Variants in MAP3K13 observed in about 807,000 individuals in gnomAD.
MAP3K13 encodes leucine zipper-bearing kinase.
MAP3K13 carries 52 observed loss-of-function variants against 104.0 expected under a neutral mutation model. The observed-to-expected ratio is 0.50, with a 90% CI of 0.40 to 0.63. MAP3K13 has a LOEUF of 0.63. MAP3K13 is among the 20% of genes least tolerant of loss of function. The pLI is 0.00. For missense variants in MAP3K13, 914 were observed against 1,218.5 expected, an observed-to-expected ratio of 0.75 and a Z score of 3.72; for synonymous variants, 394 against 442.2, an observed-to-expected ratio of 0.89 and a Z score of 1.37.
chr3:185,350,784 T>C (rs942912296), intron 2 of MAP3K13, among the ~76,000 whole-genome samples: 1 of 152,190 alleles, frequency 6.6e-6, no homozygotes, highest in African/African-American at 2.4e-5. Context: ...GTAAATTAGT[T>C]CAACCATTGT....
At chr3:185,392,142 A>C (rs559832971) in intron 1 of MAP3K13, among the ~76,000 whole-genome samples, 1 of 152,300 alleles carries the variant, frequency 6.6e-6, no homozygotes, top group Non-Finnish European at 1.5e-5. Context: ...GAAAGACATT[A>C]TATATTGGAT....
chr3:185,414,312 TCTC>T (rs1385186807), intron 1 of MAP3K13, among the ~76,000 whole-genome samples: 1 of 152,178 alleles, frequency 6.6e-6, no homozygotes, highest in Admixed American at 6.5e-5. Flanking sequence ...TGTAAAGTCT[TCTC>T]ATCCAAAAAA....
chr3:185,303,442 G>A (rs1721176655), intron 2 of MAP3K13, among the ~76,000 whole-genome samples: 2 of 151,962 alleles, frequency 1.3e-5, no homozygotes, highest in South Asian at 4.1e-4. Flanking sequence ...GAAGGCATCT[G>A]GTCCTGGCTG....
rs1050368041 is a variant in MAP3K13 at position 185,454,611 on chromosome 3, A to T, written c.1278+3216A>T. Among the ~76,000 whole-genome samples the T allele has an allele frequency of 5.3e-4, 38 of 71,870 alleles. 5 individuals carry two copies. The East Asian group carries it at 5.6e-3, about 11-fold the overall frequency. The allele number at this position is 71,870 out of a possible 152,430, so 47.1% of individuals were successfully genotyped here. A position where few individuals can be genotyped will look rare whatever the true frequency, so the allele number is the denominator to read the frequency against. On this transcript the variant is annotated intron_variant, in intron 7 of 13. Transcript: ENST00000265026. ...ATATATAGATATATATGAGATATAT[A>T]TGATATATATATGAGATATATATAT...
chr3:185,366,991 T>C (rs1161174602), intron 1 of MAP3K13, among the ~76,000 whole-genome samples: 1 of 152,240 alleles, frequency 6.6e-6, no homozygotes. Context: ...ATATCTAAGT[T>C]GGCTTTGCCT....
At position 185,473,513 on chromosome 3, in the gene MAP3K13, G is replaced by A. The variant is rs377523229; in HGVS notation, c.2182G>A (p.Ala728Thr). The part of the protein sequence containing the change: ...AGPWGCCQAD[A>T]YDPCLQCRPE... ...TCCCTGGGGCTGTTGCCAGGCTGAC[G>A]CTTATGACCCCTGCCTTCAGTGCAG... The change falls in exon 11 of 14, where the codon GCT becomes ACT. Residue 728 changes from alanine (A) to threonine (T), a missense_variant. By Grantham distance (58) the Ala-to-Thr change is moderately conservative (BLOSUM62 0). Transcript: ENST00000265026. The surrounding 1 kb of genome is among the most constrained non-coding windows in gnomAD (Gnocchi z 4.9). 5.1e-5 allele frequency: 83 copies of A among 1,614,058 alleles called. 1 individual carries two copies. Among genetic ancestry groups the A allele is most frequent in the Admixed American group, 6.7e-5 (4 of 60,006 alleles).
At chr3:185,462,940 C>G (rs913019126) in intron 7 of MAP3K13, among the ~76,000 whole-genome samples, 1 of 152,168 alleles carries the variant, frequency 6.6e-6, no homozygotes, top group Non-Finnish European at 1.5e-5. Flanking sequence ...TTTTGTCAAA[C>G]TACTAGATTG....
intron 7 of MAP3K13, among the ~76,000 whole-genome samples, chr3:185,455,933 T>G (rs73054841): frequency 0.021 from 3,004 of 140,862 alleles, 112 homozygotes; most frequent in African/African-American, 0.073. Context: ...ATGATGTATA[T>G]ATGAGATATA....
intron 2 of MAP3K13, among the ~76,000 whole-genome samples, chr3:185,304,681 T>G (rs529787085): frequency 6.6e-6 from 1 of 152,312 alleles, no homozygotes; most frequent in East Asian, 1.9e-4. Flanking sequence ...TCACCCAGGC[T>G]GGAGTACAGT....
Position 185,334,399 on chromosome 3 carries a change from C to T in MAP3K13, c.-86+48756C>T, listed in dbSNP as rs531071149. ...ACAAAAAGGTAAATGACTTATAATA[C>T]GTGACTTGAACACTTAACTCTGAAA... On this transcript the variant is annotated intron_variant, in intron 2 of 14. Coordinates refer to the MAP3K13 transcript ENST00000424227. 2.5e-4 allele frequency among the ~76,000 whole-genome samples: 38 copies of T among 152,048 alleles called. 1 individual carries two copies. In the South Asian group the frequency reaches 7.7e-3, roughly 31 times the overall value.
chr3:185,460,868 A>C (rs1717057876), intron 7 of MAP3K13, among the ~76,000 whole-genome samples: 1 of 152,198 alleles, frequency 6.6e-6, no homozygotes, highest in Non-Finnish European at 1.5e-5. Context: ...TATTTCCTCT[A>C]GAATTAAAAC....
chr3:185,285,807 T>C (rs1335968712), intron 2 of MAP3K13, among the ~76,000 whole-genome samples: 1 of 152,232 alleles, frequency 6.6e-6, no homozygotes, highest in African/African-American at 2.4e-5. Context: ...AAGCAATTGT[T>C]CTTATTTTCC....
chr3:185,449,571 C>T (rs1462229360), intron 5 of MAP3K13, among the ~76,000 whole-genome samples: 1 of 151,852 alleles, frequency 6.6e-6, no homozygotes, highest in African/African-American at 2.4e-5. Flanking sequence ...CAATTTTTCC[C>T]CACTGGTTTT....
intron 2 of MAP3K13, among the ~76,000 whole-genome samples, chr3:185,333,174 T>C (rs535185367): frequency 6.6e-6 from 1 of 152,310 alleles, no homozygotes; most frequent in African/African-American, 2.4e-5. Flanking sequence ...TCCAAATTTA[T>C]AAGCTAGTCT....
At position 185,485,129 on chromosome 3, in the gene MAP3K13, G is replaced by A. The variant is rs1029618050; in HGVS notation, c.*2673G>A. 1 of 152,150 alleles carries A rather than the reference G, an allele frequency of 6.6e-6. No homozygotes were observed. Among genetic ancestry groups the A allele is most frequent in the African/African-American group, 2.4e-5 (1 of 41,446 alleles). The allele number at this position is 152,150 out of a possible 1,614,324, so 9.4% of individuals were successfully genotyped here. ...GTTAAAAAGCTGTAAACTTTCTAAA[G>A]TTTCTTAGGAAATAAATTCATGGGA... On this transcript the variant is annotated 3_prime_UTR_variant, in exon 14 of 14. Transcript: ENST00000265026.
At chr3:185,400,906 T>TTTG (rs1491329282) in intron 1 of MAP3K13, among the ~76,000 whole-genome samples, 1 of 4,928 alleles carries the variant, frequency 2.0e-4, no homozygotes, top group Non-Finnish European at 4.7e-4. Flanking sequence ...TGTTTGTTTG[T>TTTG]TTTTTTTTTT....
At chr3:185,380,489 G>A (rs1380418497) in intron 1 of MAP3K13, among the ~76,000 whole-genome samples, 18 of 132,454 alleles carry the variant, frequency 1.4e-4, no homozygotes, top group African/African-American at 3.5e-4. Context: ...CCAGCCTGGC[G>A]ACAGAGCGAG....
In MAP3K13 at chr3:185,473,593, C is replaced by A. The variant is rs760445141; in HGVS notation, c.2262C>A (p.Ser754Arg). Reference sequence around the variant, plus strand: ...CCTCTGCTGAGCCAGTGGGGAGGAGCCCTGACCTTTCCAAGTCACCAGCAC... The same window carrying A: ...CCTCTGCTGAGCCAGTGGGGAGGAGACCTGACCTTTCCAAGTCACCAGCAC... ...DIPSAEPVGRSPDLSKSPAHN... is the reference protein window; with the variant it reads ...DIPSAEPVGRRPDLSKSPAHN... Residue 754 changes from serine (S) to arginine (R), a missense_variant, in exon 11 of 14, where the codon AGC (serine) becomes AGA (arginine). Ser to Arg is a moderately radical substitution (Grantham distance 110). Transcript: ENST00000265026. This position sits in a 1 kb window ranked among gnomAD's most constrained non-coding sequence, Gnocchi z 4.9. The A allele has an allele frequency of 4.3e-6, 7 of 1,614,060 alleles. No homozygotes were observed. In the Admixed American group the frequency reaches 5.0e-5, roughly 12 times the overall value.
intron 1 of MAP3K13, chr3:185,417,577 G>C (rs1258270562): frequency 6.2e-7 from 1 of 1,608,932 alleles, no homozygotes; most frequent in East Asian, 2.2e-5. Context: ...GGTAGCTGCT[G>C]CCTTTTTTCC....
Sources: allele counts gnomAD v4.1 joint callset (sites outside exome capture counted in the v4.1 genomes callset), GRCh38; gene constraint gnomAD v4.1.1; non-coding constraint Gnocchi (gnomAD v3.1); transcripts MANE v1.5; gene names NCBI Gene and HGNC (gene_info 2026-07-23, HGNC 2026-07-21).